Variants in TRAK2 observed in about 807,000 individuals in gnomAD.
TRAK2 encodes trafficking kinesin-binding protein 2.
TRAK2 carries 81 observed loss-of-function variants against 104.6 expected under a neutral mutation model. The ratio of observed to expected loss-of-function variants is 0.77; its 90% CI spans 0.65 to 0.93. TRAK2 has a LOEUF of 0.93. Among genes scored for constraint, TRAK2 ranks in the 40% least tolerant of loss-of-function variants. The pLI is 0.00. For missense variants in TRAK2, 1,002 were observed against 1,089.0 expected (o/e 0.92, Z 1.12); for synonymous variants, 406 against 394.4 (o/e 1.03, Z -0.35).
intron 13 of TRAK2, 95 bp from the exon 14 acceptor site, chr2:201,386,579 T>C (rs2125641022): frequency 1.4e-6 from 2 of 1,447,260 alleles, no homozygotes; most frequent in African/African-American, 1.4e-5. Context: ...ATAACAATAA[T>C]GACAGCAATA....
intron 2 of TRAK2, among the ~76,000 whole-genome samples, chr2:201,416,246 A>AG (rs397939699): frequency 6.9e-6 from 1 of 144,938 alleles, no homozygotes; most frequent in East Asian, 2.0e-4. Flanking sequence ...AAAAAAAAAA[A>AG]GGAAGAAGAA....
chr2:201,386,914 A>G (rs1027624748), intron 13 of TRAK2, among the ~76,000 whole-genome samples: 1 of 152,198 alleles, frequency 6.6e-6, no homozygotes, highest in Non-Finnish European at 1.5e-5. Context: ...TGAAGAAGAT[A>G]ATGAAAAGGA....
intron 11 of TRAK2, 22 bp from the exon 12 acceptor site, chr2:201,389,525 G>A (rs752114854): frequency 2.4e-5 from 38 of 1,608,280 alleles, no homozygotes; most frequent in Middle Eastern, 1.9e-4. Flanking sequence ...GGAAGTGTTC[G>A]TTATTATCAC....
intron 15 of TRAK2, among the ~76,000 whole-genome samples, chr2:201,382,858 CATAAGACTTT>C (rs1951356146): frequency 6.6e-6 from 1 of 152,182 alleles, no homozygotes; most frequent in Non-Finnish European, 1.5e-5. Flanking sequence ...ACATGGCTAA[CATAAGACTTT>C]ATGGTACAAT....
intron 2 of TRAK2, among the ~76,000 whole-genome samples, chr2:201,417,905 A>T (rs1951707580): frequency 6.6e-6 from 1 of 152,250 alleles, no homozygotes; most frequent in Non-Finnish European, 1.5e-5. Context: ...AATTTCATTT[A>T]TATATAGTAG....
intron 1 of TRAK2, among the ~76,000 whole-genome samples, chr2:201,427,805 C>T (rs1038518120): frequency 6.6e-6 from 1 of 152,180 alleles, no homozygotes; most frequent in South Asian, 2.1e-4. Context: ...AAAAGTATTC[C>T]TATTTCTCCA....
At chr2:201,409,183 C>T (rs952725931) in intron 2 of TRAK2, among the ~76,000 whole-genome samples, 2 of 151,964 alleles carry the variant, frequency 1.3e-5, no homozygotes, top group Non-Finnish European at 2.9e-5. Flanking sequence ...TACTTACCTC[C>T]TAGGTTATAT....
intron 1 of TRAK2, among the ~76,000 whole-genome samples, chr2:201,435,033 A>C (rs755803176): frequency 6.6e-6 from 1 of 152,196 alleles, no homozygotes; most frequent in Non-Finnish European, 1.5e-5. Flanking sequence ...CTTCAGTCTC[A>C]CATTCATAAG....
At chr2:201,387,055 T>TG (rs556469079) in intron 13 of TRAK2, among the ~76,000 whole-genome samples, 94 of 152,322 alleles carry the variant, frequency 6.2e-4, no homozygotes, top group Middle Eastern at 3.4e-3. Flanking sequence ...AACAAATATC[T>TG]GCACTGATCA....
In TRAK2 at chr2:201,379,635, T is replaced by G. The variant is rs1316590892; in HGVS notation, c.*908A>C. 1 of 152,604 alleles carries G rather than the reference T, an allele frequency of 6.6e-6. No homozygotes were observed. The highest frequency in any genetic ancestry group is 1.9e-4 in the East Asian group (1 of 5,202). 9.5% of individuals were successfully genotyped at this position (152,604 alleles called of 1,614,324 possible). On this transcript the variant is annotated 3_prime_UTR_variant, in exon 16 of 16. Transcript: ENST00000332624. ...ACAACATTCCCTAATTCCTATTGAT[T>G]GCACTTCTGGCTTAACCCCTTCCAG...
chr2:201,382,770 T>C (rs1951355638), intron 15 of TRAK2, among the ~76,000 whole-genome samples: 1 of 152,224 alleles, frequency 6.6e-6, no homozygotes, highest in Admixed American at 6.5e-5. Flanking sequence ...ATAGACATGG[T>C]GGATCATAAT....
chr2:201,380,614 C>G lies in TRAK2; in HGVS notation c.2674G>C (p.Val892Leu). Residue 892 changes from valine (V) to leucine (L), a missense_variant, in exon 16 of 16, where the codon GTC (valine) becomes CTC (leucine). Physicochemically the swap from Val to Leu is conservative, Grantham distance 32. Transcript: ENST00000332624. ...GGLRRNQSLP[V>L]IMGSFAAPVC... ...GGGGCAGCAAAGCTACCCATTATGA[C>G]TGGAAGACTCTGATTCCTCCTTAGT... The G allele has an allele frequency of 6.2e-7, 1 of 1,614,020 alleles. No individual in the cohort carries two copies. The highest frequency in any genetic ancestry group is 8.5e-7 in the Non-Finnish European group (1 of 1,179,966).
intron 1 of TRAK2, among the ~76,000 whole-genome samples, chr2:201,442,159 G>A (rs1285342753): frequency 6.6e-6 from 1 of 151,618 alleles, no homozygotes; most frequent in Non-Finnish European, 1.5e-5. Flanking sequence ...GGGAGGCTGA[G>A]GTGGGCAGAT....
intron 3 of TRAK2, among the ~76,000 whole-genome samples, chr2:201,404,680 T>A (rs72937157): frequency 0.011 from 1,644 of 152,326 alleles, 21 homozygotes; most frequent in Non-Finnish European, 0.017. Context: ...ATGTCCCTTC[T>A]CAAGATCTAA....
chr2:201,426,963 C>A (rs1466898942), intron 1 of TRAK2, among the ~76,000 whole-genome samples: 1 of 152,142 alleles, frequency 6.6e-6, no homozygotes, highest in Non-Finnish European at 1.5e-5. Flanking sequence ...GCTTTTCTGA[C>A]CTTAGGCCCA....
intron 2 of TRAK2, among the ~76,000 whole-genome samples, chr2:201,410,227 G>A (rs1265505798): frequency 6.6e-6 from 1 of 151,846 alleles, no homozygotes; most frequent in African/African-American, 2.4e-5. Flanking sequence ...GCGTGAACCC[G>A]CCACTGAGGC....
chr2:201,425,152 T>C (rs1045900390), intron 1 of TRAK2, among the ~76,000 whole-genome samples: 5 of 152,172 alleles, frequency 3.3e-5, no homozygotes, highest in African/African-American at 4.8e-5. Context: ...TAGAATACTA[T>C]GTCTCTTTAC....
chr2:201,386,641 T>A (rs1951393711), intron 13 of TRAK2, among the ~76,000 whole-genome samples, 157 bp from the exon 14 acceptor site: 2 of 152,206 alleles, frequency 1.3e-5, no homozygotes, highest in African/African-American at 4.8e-5. Flanking sequence ...ATTAAAGTTT[T>A]CAGTGGAAGA....
At chr2:201,381,289 A>C in intron 15 of TRAK2, 71 bp from the exon 16 acceptor site, 1 of 1,351,640 alleles carries the variant, frequency 7.4e-7, no homozygotes, top group Non-Finnish European at 1.0e-6. Context: ...TGGCATTTAA[A>C]GAAATTATAG....
Sources: allele counts gnomAD v4.1 joint callset (sites outside exome capture counted in the v4.1 genomes callset), GRCh38; gene constraint gnomAD v4.1.1; transcripts MANE v1.5; gene names NCBI Gene and HGNC (gene_info 2026-07-23, HGNC 2026-07-21).